The following CNTNAP2 variants were observed in gnomAD, a reference collection of about 807,000 sequenced individuals.
CNTNAP2 encodes the protein contactin associated protein 2, also known as contactin-associated protein-like 2.
Under a neutral mutation model 155.2 loss-of-function variants are expected in CNTNAP2, and 98 were observed. The observed-to-expected ratio is 0.63, with a 90% confidence interval of 0.54 to 0.75. The LOEUF (loss-of-function observed/expected upper bound fraction) is 0.75, where lower values mean the gene tolerates loss of function less well. CNTNAP2 is among the 30% of genes least tolerant of loss of function. The probability of loss-of-function intolerance (pLI) is 0.00; values close to 1 mark genes in which losing one functional copy is unlikely to be tolerated. For synonymous variants in CNTNAP2, 651 were observed against 631.2 expected (o/e 1.03, Z -0.47); for missense variants, 1,727 against 1,688.1 (o/e 1.02, Z -0.40).
intron 1 of CNTNAP2, among the ~76,000 whole-genome samples, chr7:146,424,653 C>T (rs145484801): frequency 2.0e-5 from 3 of 152,080 alleles, no homozygotes; most frequent in African/African-American, 7.2e-5. Context: ...GTTTTATATC[C>T]GTGTAGGGAA....
intron 13 of CNTNAP2, among the ~76,000 whole-genome samples, chr7:147,743,502 C>T (rs1251601779): frequency 6.6e-6 from 1 of 152,146 alleles, no homozygotes; most frequent in East Asian, 1.9e-4. Context: ...CCAATTAATG[C>T]TATCACTGTT....
At chr7:146,750,449 G>T (rs1801883860) in intron 1 of CNTNAP2, among the ~76,000 whole-genome samples, 1 of 152,096 alleles carries the variant, frequency 6.6e-6, no homozygotes, top group Non-Finnish European at 1.5e-5. Context: ...GAAAAGAGAT[G>T]AACTTGACTC....
chr7:148,026,270 G>GA (rs1296570750), intron 15 of CNTNAP2, among the ~76,000 whole-genome samples: 1 of 151,978 alleles, frequency 6.6e-6, no homozygotes, highest in Non-Finnish European at 1.5e-5. Flanking sequence ...GTAATATAGT[G>GA]AGGCCTCGTC....
chr7:146,558,007 T>C (rs1798221838), intron 1 of CNTNAP2, among the ~76,000 whole-genome samples: 1 of 152,208 alleles, frequency 6.6e-6, no homozygotes. Flanking sequence ...GTAAGTTTAA[T>C]TAAGTCTCAA....
chr7:147,989,622 C>T (rs1040091782), intron 15 of CNTNAP2, among the ~76,000 whole-genome samples: 1 of 152,204 alleles, frequency 6.6e-6, no homozygotes, highest in Admixed American at 6.5e-5. Flanking sequence ...GGCCTAGTCT[C>T]AGGTGACAGT....
At chr7:147,098,338 A>G (rs890574333) in intron 4 of CNTNAP2, among the ~76,000 whole-genome samples, 2 of 152,198 alleles carry the variant, frequency 1.3e-5, no homozygotes, top group Non-Finnish European at 2.9e-5. Flanking sequence ...GTAAAGTCAC[A>G]AACAACTGAG....
chr7:147,616,024 T>C (rs866748547), intron 12 of CNTNAP2, among the ~76,000 whole-genome samples: 20 of 152,192 alleles, frequency 1.3e-4, no homozygotes, highest in African/African-American at 4.3e-4. Context: ...CCTGGATAAA[T>C]ATTCAGTCCA....
chr7:148,258,072 G>C (rs561419625), intron 20 of CNTNAP2, among the ~76,000 whole-genome samples: 1 of 152,278 alleles, frequency 6.6e-6, no homozygotes, highest in East Asian at 1.9e-4. Context: ...TTAACTGGAA[G>C]GTTTATTAGA....
At chr7:146,869,357 C>T (rs905672989) in intron 3 of CNTNAP2, among the ~76,000 whole-genome samples, 9 of 152,094 alleles carry the variant, frequency 5.9e-5, no homozygotes. Context: ...AACCTTGCAT[C>T]CCGGGCATGA....
At chr7:147,977,121 C>T (rs529605637) in intron 14 of CNTNAP2, among the ~76,000 whole-genome samples, 158 of 152,210 alleles carry the variant, frequency 1.0e-3, no homozygotes, top group African/African-American at 3.5e-3. Context: ...TCTCCAGGAA[C>T]CCCTCCTGGG....
At chr7:148,064,538 A>T (rs1289587533) in intron 15 of CNTNAP2, among the ~76,000 whole-genome samples, 1 of 151,858 alleles carries the variant, frequency 6.6e-6, no homozygotes, top group Admixed American at 6.6e-5. Flanking sequence ...CATCCAAAAA[A>T]CCTCCTAAAT....
At chr7:147,803,126 G>A (rs1371167972) in intron 13 of CNTNAP2, among the ~76,000 whole-genome samples, 2 of 151,926 alleles carry the variant, frequency 1.3e-5, no homozygotes, top group Non-Finnish European at 2.9e-5. Flanking sequence ...TGAGAGAAAG[G>A]GACCAAACCA....
At position 147,950,364 on chromosome 7, in the gene CNTNAP2, C is replaced by CAAAAAAA. The variant is rs386411606; in HGVS notation, c.2256-27475_2256-27469dup. Among the ~76,000 whole-genome samples the CAAAAAAA allele has an allele frequency of 1.0e-3, 56 of 55,782 alleles. 11 individuals are homozygous for CAAAAAAA. Among genetic ancestry groups the CAAAAAAA allele is most frequent in the African/African-American group, 4.6e-3 (47 of 10,158 alleles). The allele number at this position is 55,782 out of a possible 152,430, so 36.6% of individuals were successfully genotyped here. A position where few individuals can be genotyped will look rare whatever the true frequency, so the allele number is the denominator to read the frequency against. On this transcript the variant is annotated intron_variant, in intron 14 of 23. Transcript: ENST00000361727. ...AGCTTAAGCTATACACATAGAGAGGCAAAAAAAAAAAAAAAAAAAAAAAAA... is the reference window on the plus strand; with the variant it reads ...AGCTTAAGCTATACACATAGAGAGGCAAAAAAAAAAAAAAAAAAAAAAAAAAAAAAAA...
At chr7:146,886,812 G>A (rs533034614) in intron 3 of CNTNAP2, among the ~76,000 whole-genome samples, 6 of 150,256 alleles carry the variant, frequency 4.0e-5, no homozygotes, top group East Asian at 2.0e-4. Context: ...CTCTTTATGC[G>A]TGAACACGAA....
At chr7:147,902,312 A>G (rs1010825924) in intron 13 of CNTNAP2, among the ~76,000 whole-genome samples, 9 of 152,310 alleles carry the variant, frequency 5.9e-5, no homozygotes, top group Admixed American at 5.9e-4. Flanking sequence ...TTATGTTTAT[A>G]TTTATATACA....
chr7:146,711,714 GTATACACATCTTATGTATACA>G, intron 1 of CNTNAP2, among the ~76,000 whole-genome samples: 1 of 141,808 alleles, frequency 7.1e-6, no homozygotes, highest in Non-Finnish European at 1.5e-5. Context: ...TACATATATA[GTATACACATCTTATGTATACA>G]TATATAGTAT....
At chr7:148,400,098 T>A (rs1799550246) in intron 22 of CNTNAP2, among the ~76,000 whole-genome samples, 1 of 152,038 alleles carries the variant, frequency 6.6e-6, no homozygotes, top group Admixed American at 6.6e-5. Context: ...CAGAGTGCTC[T>A]CCCCCAAAGG....
intron 13 of CNTNAP2, among the ~76,000 whole-genome samples, chr7:147,703,383 C>T (rs1796264115): frequency 6.6e-6 from 1 of 152,160 alleles, no homozygotes; most frequent in Non-Finnish European, 1.5e-5. Flanking sequence ...TTTATTTCTT[C>T]TTCAAGCATT....
At chr7:147,954,654 T>C (rs1800989608) in intron 14 of CNTNAP2, among the ~76,000 whole-genome samples, 1 of 152,170 alleles carries the variant, frequency 6.6e-6, no homozygotes, top group Admixed American at 6.5e-5. Flanking sequence ...AATGCTATAG[T>C]TAATGTTTTT....
Sources: gnomAD v4.1 joint callset for allele counts (sites outside exome capture counted in the v4.1 genomes callset) on GRCh38, gnomAD v4.1.1 for gene constraint, MANE v1.5 for transcripts, NCBI Gene and HGNC (gene_info 2026-07-23, HGNC 2026-07-21) for gene names.